Variants in PCDH11X observed in about 807,000 individuals in gnomAD.
The protein encoded by PCDH11X is protocadherin-11 X-linked.
Under a neutral mutation model 53.3 loss-of-function variants are expected in PCDH11X, and 18 were observed. The observed-to-expected ratio is 0.34, with a 90% CI of 0.23 to 0.50. PCDH11X has a LOEUF of 0.50. Ranked by LOEUF, PCDH11X falls within the 20% of genes least tolerant of loss-of-function variation. PCDH11X has a pLI of 0.98. For synonymous variants in PCDH11X, 279 were observed against 393.3 expected, an observed-to-expected ratio of 0.71 and a Z score of 3.44; for missense variants, 570 against 1,032.4, an observed-to-expected ratio of 0.55 and a Z score of 6.14.
At chrX:91,946,586 T>TAC (rs2061576791) in intron 6 of PCDH11X, among the ~76,000 whole-genome samples, 4 of 88,924 alleles carry the variant, frequency 4.5e-5, no homozygotes, top group African/African-American at 1.7e-4. Flanking sequence ...TATATATATA[T>TAC]ATATATATAT....
chrX:92,334,326 G>A (rs2069564521), intron 8 of PCDH11X, among the ~76,000 whole-genome samples: 1 of 111,332 alleles, frequency 9.0e-6, no homozygotes, highest in Non-Finnish European at 1.9e-5. Context: ...AATTATAACT[G>A]CATGAGTTTA....
At position 92,437,258 on chromosome X, in the gene PCDH11X, A is replaced by C. The variant is rs758836040; in HGVS notation, c.3344-31041A>C. On this transcript the variant is annotated intron_variant, in intron 9 of 10. Coordinates refer to ENST00000682573, the MANE Select transcript of PCDH11X (RefSeq NM_032968.5). Reference sequence around the variant, plus strand: ...GAACAGGAATTAGTTTAACCACTCAAAATAGGAAGTCAGGATTCTGTTTAT... The same window carrying C: ...GAACAGGAATTAGTTTAACCACTCACAATAGGAAGTCAGGATTCTGTTTAT... 3.6e-5 allele frequency among the ~76,000 whole-genome samples: 4 copies of C among 111,640 alleles called. No individual in the cohort carries two copies. The East Asian group carries it at 1.1e-3, about 32-fold the overall frequency.
chrX:91,807,675 T>C (rs1331642953), intron 1 of PCDH11X, among the ~76,000 whole-genome samples: 1 of 111,575 alleles, frequency 9.0e-6, no homozygotes, highest in African/African-American at 3.3e-5. Context: ...TAAATCATTC[T>C]AGGAGGAAAA....
chrX:92,013,958 A>G lies in PCDH11X; in HGVS notation c.3033+134685A>G, dbSNP rs1303674421. 3.6e-5 allele frequency among the ~76,000 whole-genome samples: 4 copies of G among 111,897 alleles called. No homozygotes were observed. The Admixed American group carries it at 3.8e-4, about 11-fold the overall frequency. ...GAAGAAAACCTAGGCAATACCATTC[A>G]GGACATAGGCATGGGCAAGGACTTC... is the stretch of plus-strand genomic sequence containing the variant. On this transcript the variant is annotated intron_variant, in intron 6 of 10. Coordinates refer to ENST00000682573, the MANE Select transcript of PCDH11X (RefSeq NM_032968.5).
chrX:92,527,985 C>A (rs1470411538), intron 10 of PCDH11X, among the ~76,000 whole-genome samples: 2 of 111,755 alleles, frequency 1.8e-5, no homozygotes, highest in African/African-American at 3.2e-5. Flanking sequence ...GCTCTTTTAG[C>A]ATAAGGGGCA....
chrX:91,970,173 G>A (rs111313006), intron 6 of PCDH11X, among the ~76,000 whole-genome samples: 2,948 of 110,864 alleles, frequency 0.027, 91 homozygotes, highest in African/African-American at 0.091. Context: ...AGCTCTTTAA[G>A]GCAGTGCGGA....
intron 10 of PCDH11X, among the ~76,000 whole-genome samples, chrX:92,493,234 T>A (rs769603924): frequency 1.1e-4 from 12 of 111,319 alleles, no homozygotes; most frequent in African/African-American, 3.9e-4. Flanking sequence ...ATGGTAATTT[T>A]TTTTTTAAAT....
At chrX:92,584,938 C>T (rs1222916557) in intron 10 of PCDH11X, among the ~76,000 whole-genome samples, 2 of 108,600 alleles carry the variant, frequency 1.8e-5, no homozygotes, top group Non-Finnish European at 3.8e-5. Context: ...GGATTACAGG[C>T]GTGTGCCATC....
intron 4 of PCDH11X, among the ~76,000 whole-genome samples, chrX:91,811,525 A>G (rs981292803): frequency 5.4e-5 from 6 of 110,403 alleles, no homozygotes; most frequent in South Asian, 3.9e-4. Flanking sequence ...AACAACAAAA[A>G]TCCCACAAAT....
chrX:92,545,670 G>A (rs1228931105), intron 10 of PCDH11X, among the ~76,000 whole-genome samples: 1 of 110,803 alleles, frequency 9.0e-6, no homozygotes, highest in Non-Finnish European at 1.9e-5. Context: ...CAAAGTACTG[G>A]GGTTACAGGT....
chrX:91,918,957 G>A (rs1406777910), intron 6 of PCDH11X, among the ~76,000 whole-genome samples: 1 of 111,286 alleles, frequency 9.0e-6, no homozygotes, highest in Admixed American at 9.6e-5. Context: ...TTTTCCTTGG[G>A]CAGTCTAGCT....
At chrX:92,195,209 C>T (rs1001120836) in intron 6 of PCDH11X, among the ~76,000 whole-genome samples, 6 of 111,307 alleles carry the variant, frequency 5.4e-5, no homozygotes, top group Non-Finnish European at 9.4e-5. Flanking sequence ...TTTGTTAAAG[C>T]TCTGAGCTTT....
chrX:92,193,806 T>C (rs986377798), intron 6 of PCDH11X, among the ~76,000 whole-genome samples: 1 of 111,849 alleles, frequency 8.9e-6, no homozygotes, highest in Non-Finnish European at 1.9e-5. Flanking sequence ...TACAGTAAGC[T>C]GCTGAATAAT....
At chrX:91,983,525 G>C in intron 6 of PCDH11X, 2 of 503,454 alleles carry the variant, frequency 4.0e-6, no homozygotes. Flanking sequence ...AGAGGTGGTG[G>C]CAGTGGGCTA....
At chrX:92,030,505 T>C (rs1301547627) in intron 6 of PCDH11X, among the ~76,000 whole-genome samples, 2 of 107,903 alleles carry the variant, frequency 1.9e-5, no homozygotes, top group Non-Finnish European at 3.8e-5. Context: ...CCAGTTTCAC[T>C]TTACGTTATT....
At chrX:92,003,104 T>C (rs1294016060) in intron 6 of PCDH11X, among the ~76,000 whole-genome samples, 4 of 104,581 alleles carry the variant, frequency 3.8e-5, no homozygotes, top group African/African-American at 1.4e-4. Flanking sequence ...CATGAAAGGA[T>C]GTTGAATTCT....
intron 6 of PCDH11X, among the ~76,000 whole-genome samples, chrX:92,019,697 C>G (rs1229150237): frequency 1.8e-5 from 2 of 112,125 alleles, no homozygotes; most frequent in Non-Finnish European, 3.8e-5. Context: ...CACTGGGACA[C>G]AGCTAAGGCA....
At chrX:92,054,820 CAA>C (rs1174448342) in intron 6 of PCDH11X, among the ~76,000 whole-genome samples, 261 of 25,320 alleles carry the variant, frequency 0.01, no homozygotes, top group African/African-American at 0.024. Context: ...AACTCTGTCT[CAA>C]AAAAAAAAAA....
At position 92,081,499 on chromosome X, in the gene PCDH11X, A is replaced by C. The variant is rs377314004; in HGVS notation, c.3034-119876A>C. On this transcript the variant is annotated intron_variant, in intron 6 of 10. Transcript: ENST00000682573. Reference sequence around the variant, plus strand: ...TACATAATTCATCTCCTGTTGATCAATTAAGCACTTACTATGTGGCTAATC... The same window carrying C: ...TACATAATTCATCTCCTGTTGATCACTTAAGCACTTACTATGTGGCTAATC... Among the ~76,000 whole-genome samples the C allele has an allele frequency of 3.0e-4, 33 of 110,726 alleles. 1 individual carries two copies. Among genetic ancestry groups the C allele is most frequent in the Admixed American group, 1.8e-3 (18 of 10,272 alleles).
Sources: gnomAD v4.1 joint callset for allele counts (sites outside exome capture counted in the v4.1 genomes callset) on GRCh38, gnomAD v4.1.1 for gene constraint, MANE v1.5 for transcripts, NCBI Gene and HGNC (gene_info 2026-07-23, HGNC 2026-07-21) for gene names.